Variants in ZSCAN26 observed in about 807,000 individuals in gnomAD.
ZSCAN26 encodes the protein zinc finger and SCAN domain-containing protein 26.
Under a neutral mutation model 23.0 loss-of-function variants are expected in ZSCAN26, and 26 were observed. The ratio of observed to expected loss-of-function variants is 1.13; its 90% CI spans 0.83 to 1.57. The LOEUF is 1.57. Ranked by LOEUF, ZSCAN26 falls within the 40% of genes most tolerant of loss-of-function variation. ZSCAN26 has a pLI of 0.00. For synonymous variants in ZSCAN26, 180 were observed against 202.5 expected (o/e 0.89, Z 0.94); for missense variants, 528 against 568.5 (o/e 0.93, Z 0.72).
intron 2 of ZSCAN26, 40 bp from the exon 3 acceptor site, chr6:28,272,630 A>G (rs1196314438): frequency 6.6e-7 from 1 of 1,504,822 alleles, no homozygotes; most frequent in Non-Finnish European, 9.0e-7. Context: ...CTAAACCCAC[A>G]TATATCTAAT....
rs2113727888 is a variant in ZSCAN26, at chr6:28,276,233, G to A, written c.577G>A (p.Val193Ile). Residue 193 changes from valine to isoleucine, a missense_variant, in exon 4 of 4, where the codon GTA becomes ATA. Physicochemically the swap from Val to Ile is conservative, Grantham distance 29 (BLOSUM62 3). Coordinates refer to ENST00000421553, the MANE Select transcript of ZSCAN26 (RefSeq NM_001023560.4). The part of the protein sequence containing the change: ...TRIENGKLIV[V>I]TDSCGRVESS... ...GATTGAGAATGGGAAGCTTATTGTA[G>A]TAACAGACTCTTGTGGAAGAGTAGA... The A allele has an allele frequency of 1.2e-6, 2 of 1,613,686 alleles. No individual in the cohort carries two copies. The highest frequency in any genetic ancestry group is 1.7e-6 in the Non-Finnish European group (2 of 1,179,768).
chr6:28,276,793 C>T lies in ZSCAN26; in HGVS notation c.1137C>T (p.Ala379=). The T allele has an allele frequency of 6.2e-7, 1 of 1,613,938 alleles. No individual in the cohort carries two copies. The highest frequency in any genetic ancestry group is 1.3e-5 in the African/African-American group (1 of 75,000). ...CKECGKTFSQ[A]LLLTHHQRIH... ...AGTGTGGAAAAACCTTTAGTCAGGC[C>T]TTACTCCTCACCCACCATCAGAGAA... The change falls in exon 4 of 4, where the codon GCC becomes GCT. Residue 379 remains alanine (A), a synonymous_variant. Transcript: ENST00000421553.
chr6:28,271,616 A>T (rs898498085), intron 1 of ZSCAN26, among the ~76,000 whole-genome samples: 1 of 152,198 alleles, frequency 6.6e-6, no homozygotes, highest in African/African-American at 2.4e-5. Flanking sequence ...AGTGTAAGCC[A>T]CAGTGCCTAG....
chr6:28,267,663 G>T (rs1192722422), intron 1 of ZSCAN26, among the ~76,000 whole-genome samples: 1 of 152,204 alleles, frequency 6.6e-6, no homozygotes, highest in Non-Finnish European at 1.5e-5. Flanking sequence ...TGTAGGGAAT[G>T]ATGTCAGAGA....
At position 28,276,380 on chromosome 6, in the gene ZSCAN26, A is replaced by C; in HGVS notation, c.724A>C (p.Ile242Leu). ...YKCSEREQRF[I>L]QHLDLIEHAS... ...ATGCTCAGAACGTGAGCAGAGATTC[A>C]TCCAGCACTTGGACCTGATTGAACA... is the stretch of plus-strand genomic sequence containing the variant. Residue 242 changes from isoleucine to leucine, a missense_variant, in exon 4 of 4, where the codon ATC (isoleucine) becomes CTC (leucine). Ile to Leu is a conservative substitution (Grantham distance 5). Transcript: ENST00000421553. 1.2e-6 allele frequency: 2 copies of C among 1,614,036 alleles called. No homozygotes were observed. Among genetic ancestry groups the C allele is most frequent in the East Asian group, 2.2e-5 (1 of 44,884 alleles).
rs780546859 is a variant in ZSCAN26 at position 28,276,911 on chromosome 6, G to A, written c.1255G>A (p.Gly419Arg). The change falls in exon 4 of 4, where the codon GGA becomes AGA. Residue 419 changes from glycine (G) to arginine (R), a missense_variant. Coordinates refer to ENST00000421553, the MANE Select transcript of ZSCAN26 (RefSeq NM_001023560.4). ...DLIRHHRIHTGEKPFKCNICQ... is the reference protein window; with the variant it reads ...DLIRHHRIHTREKPFKCNICQ... ...TATTCGACACCACAGAATTCATACT[G>A]GAGAAAAACCTTTCAAGTGTAACAT... 6.2e-7 allele frequency: 1 copy of A among 1,613,960 alleles called. No homozygotes were observed. Among genetic ancestry groups the A allele is most frequent in the Non-Finnish European group, 8.5e-7 (1 of 1,179,878 alleles).
intron 3 of ZSCAN26, among the ~76,000 whole-genome samples, chr6:28,275,036 C>T (rs1761877025): frequency 6.6e-6 from 1 of 152,138 alleles, no homozygotes; most frequent in Admixed American, 6.6e-5. Flanking sequence ...CCACCTGTGA[C>T]CTTCCTTTCT....
intron 3 of ZSCAN26, among the ~76,000 whole-genome samples, chr6:28,275,468 A>G (rs535084758): frequency 7.9e-5 from 12 of 152,316 alleles, no homozygotes; most frequent in Admixed American, 6.5e-4. Context: ...GCTCTGTGCT[A>G]GAGAAAACAA....
rs11965542 is a variant in ZSCAN26 at position 28,272,166 on chromosome 6, G to A, written c.247G>A (p.Glu83Lys). Residue 83 changes from glutamate (E) to lysine (K), a missense_variant, in exon 2 of 4, where the codon GAG (glutamate) becomes AAG (lysine). Transcript: ENST00000421553. ...RELCQQWLQP[E>K]THTKEQILEL... ...GCTCTGTCAACAGTGGCTACAGCCC[G>A]AGACCCATACCAAGGAGCAGATCCT... is the stretch of plus-strand genomic sequence containing the variant. The A allele has an allele frequency of 0.011, 17,446 of 1,613,544 alleles. 530 individuals are homozygous for A. The African/African-American group carries it at 0.11, about 10-fold the overall frequency.
rs1163428486 is a variant in ZSCAN26 at position 28,276,415 on chromosome 6, A to G, written c.759A>G (p.Thr253=). 1 of 1,614,020 alleles carries G rather than the reference A, an allele frequency of 6.2e-7. No individual in the cohort carries two copies. ...TGGACCTGATTGAACATGCGAGTAC[A>G]CACACGGGAAAGAAACTCTGCGAGT... ...QHLDLIEHAS[T]HTGKKLCESD... is the part of the protein sequence containing the mutation. The change falls in exon 4 of 4, where the codon ACA becomes ACG. Residue 253 remains threonine (T), a synonymous_variant. Transcript: ENST00000421553.
rs1181743009 is a variant in ZSCAN26 at position 28,276,473 on chromosome 6, C to T, written c.817C>T (p.His273Tyr). Residue 273 changes from histidine to tyrosine, a missense_variant, in exon 4 of 4, where the codon CAT becomes TAT. Transcript: ENST00000421553. The stretch of plus-strand genomic sequence containing the variant: ...GTGTCAGAGTTCCAGTCTTACAGGA[C>T]ATAAGAAAGTCCTCTCTAGAGAGAA... The part of the protein sequence containing the change: ...DVCQSSSLTG[H>Y]KKVLSREKGH... The T allele has an allele frequency of 1.2e-6, 2 of 1,613,816 alleles. No homozygotes were observed. The highest frequency in any genetic ancestry group is 2.7e-5 in the African/African-American group (2 of 74,900).
intron 3 of ZSCAN26, among the ~76,000 whole-genome samples, chr6:28,275,443 T>A (rs1299424544): frequency 6.6e-6 from 1 of 152,236 alleles, no homozygotes; most frequent in Non-Finnish European, 1.5e-5. Flanking sequence ...TTGTTTAATG[T>A]CTGTTATGTA....
At chr6:28,269,788 T>C (rs1761608758) in intron 1 of ZSCAN26, among the ~76,000 whole-genome samples, 1 of 152,160 alleles carries the variant, frequency 6.6e-6, no homozygotes, top group Non-Finnish European at 1.5e-5. Context: ...TCTGTTTTAG[T>C]CAACAGTCTA....
Position 28,272,727 on chromosome 6 carries a change from G to C in ZSCAN26, c.478G>C (p.Gly160Arg). 1 of 1,613,522 alleles carries C rather than the reference G, an allele frequency of 6.2e-7. No individual in the cohort carries two copies. Among genetic ancestry groups the C allele is most frequent in the Non-Finnish European group, 8.5e-7 (1 of 1,179,718 alleles). The change falls in exon 3 of 4, where the codon GGA becomes CGA. Residue 160 changes from glycine to arginine, a missense_variant. Transcript: ENST00000421553. ...ILVEEMAPLKGVQEQQVRHEC... is the reference protein window; with the variant it reads ...ILVEEMAPLKRVQEQQVRHEC... Reference sequence around the variant, plus strand: ...TGTGGAGGAGATGGCCCCTCTGAAAGGAGTACAGGAACAGCAGGTTCGGCA... The same window carrying C: ...TGTGGAGGAGATGGCCCCTCTGAAACGAGTACAGGAACAGCAGGTTCGGCA...
At chr6:28,267,719 T>G (rs543349992) in intron 1 of ZSCAN26, among the ~76,000 whole-genome samples, 9 of 152,044 alleles carry the variant, frequency 5.9e-5, no homozygotes, top group Non-Finnish European at 1.2e-4. Flanking sequence ...GAGAACTGTA[T>G]CGTGTAAGGA....
Position 28,272,116 on chromosome 6 carries a change from G to T in ZSCAN26, c.197G>T (p.Arg66Leu). The stretch of plus-strand genomic sequence containing the variant: ...CGTTATGAAGAGACCACAGGACCTC[G>T]AGAAGCACTAAGTCGGCTCCGGGAG... The part of the protein sequence containing the change: ...QLRYEETTGP[R>L]EALSRLRELC... The change falls in exon 2 of 4, where the codon CGA becomes CTA. Residue 66 changes from arginine (R) to leucine (L), a missense_variant. Physicochemically the swap from Arg to Leu is moderately radical, Grantham distance 102. Coordinates refer to ENST00000421553, the MANE Select transcript of ZSCAN26 (RefSeq NM_001023560.4). 7 of 1,601,560 alleles carry T rather than the reference G, an allele frequency of 4.4e-6. No homozygotes were observed. Among genetic ancestry groups the T allele is most frequent in the Non-Finnish European group, 6.0e-6 (7 of 1,173,678 alleles).
chr6:28,267,475 A>G (rs1761494202), intron 1 of ZSCAN26: 1 of 152,238 alleles, frequency 6.6e-6, no homozygotes, highest in Non-Finnish European at 1.5e-5. Context: ...CGAGAAGGTA[A>G]TATTTGAGCA....
intron 3 of ZSCAN26, 144 bp downstream of exon 3, chr6:28,272,931 T>A: frequency 1.5e-6 from 1 of 648,708 alleles, no homozygotes. Context: ...TGTAGTAAAA[T>A]TCACTCTTTT....
intron 3 of ZSCAN26, among the ~76,000 whole-genome samples, chr6:28,273,522 C>T (rs1761802193): frequency 6.6e-6 from 1 of 151,118 alleles, no homozygotes; most frequent in African/African-American, 2.4e-5. Context: ...GCCTGGGCGA[C>T]ACAGCAAGAC....
Sources: gnomAD v4.1 joint callset for allele counts (sites outside exome capture counted in the v4.1 genomes callset) on GRCh38, gnomAD v4.1.1 for gene constraint, MANE v1.5 for transcripts, NCBI Gene and HGNC (gene_info 2026-07-23, HGNC 2026-07-21) for gene names.